The following STK3 variants were observed in gnomAD, a reference collection of about 807,000 sequenced individuals.
STK3 encodes serine/threonine kinase 3, also known as serine/threonine-protein kinase 3.
Under a neutral mutation model 58.0 loss-of-function variants are expected in STK3, and 41 were observed. That is an observed-to-expected ratio of 0.71 (90% CI 0.55 to 0.92). STK3 has a LOEUF of 0.92. Among genes scored for constraint, STK3 ranks in the 40% least tolerant of loss-of-function variants. The pLI is 0.00. For synonymous variants in STK3, 170 were observed against 191.0 expected (o/e 0.89, Z 0.91); for missense variants, 479 against 602.7 (o/e 0.79, Z 2.15).
At chr8:98,609,255 T>C (rs935114404) in intron 6 of STK3, among the ~76,000 whole-genome samples, 3 of 152,198 alleles carry the variant, frequency 2.0e-5, no homozygotes, top group African/African-American at 7.2e-5. Context: ...AAAATAATAT[T>C]TTAAATGTTA....
rs538191763 is a variant in STK3 at position 98,526,202 on chromosome 8, G to GA, written c.1317+539dup. ...AGAACCAGGGTAGAAGAAATAATGAGAAAATGTAACAAAATAGGTGATAAG... is the reference window on the plus strand; with the variant it reads ...AGAACCAGGGTAGAAGAAATAATGAGAAAAATGTAACAAAATAGGTGATAAG... On this transcript the variant is annotated intron_variant, in intron 10 of 10. Transcript: ENST00000419617. Among the ~76,000 whole-genome samples the GA allele has an allele frequency of 1.8e-4, 27 of 152,016 alleles. No individual in the cohort carries two copies. In the East Asian group the frequency reaches 4.6e-3, roughly 26 times the overall value.
intron 8 of STK3, among the ~76,000 whole-genome samples, chr8:98,553,925 T>C (rs956824493): frequency 1.3e-5 from 2 of 151,190 alleles, no homozygotes; most frequent in Admixed American, 1.3e-4. Context: ...AGATGGCACC[T>C]GGGAGACAGA....
rs1343132210 is a variant in STK3 at position 98,744,299 on chromosome 8, C to G, written c.351+4977G>C. 3.9e-5 allele frequency among the ~76,000 whole-genome samples: 6 copies of G among 152,130 alleles called. No individual in the cohort carries two copies. The East Asian group carries it at 5.8e-4, about 15-fold the overall frequency. ...ATGCACACGTATCTTTATTGCAGCA[C>G]TATTCACAGTAGCAAAGACTTGGAA... On this transcript the variant is annotated intron_variant, in intron 4 of 10. Coordinates refer to ENST00000419617, the MANE Select transcript of STK3 (RefSeq NM_006281.4).
chr8:98,623,922 A>T (rs1587066015), intron 6 of STK3, among the ~76,000 whole-genome samples: 1 of 152,256 alleles, frequency 6.6e-6, no homozygotes, highest in Non-Finnish European at 1.5e-5. Flanking sequence ...CTGTAAGAAA[A>T]TAAACTGTTG....
intron 8 of STK3, among the ~76,000 whole-genome samples, chr8:98,571,084 CT>C (rs1218099647): frequency 6.6e-6 from 1 of 152,174 alleles, no homozygotes; most frequent in African/African-American, 2.4e-5. Context: ...AATCCCAGCA[CT>C]TTGAGAGGCC....
intron 1 of STK3, among the ~76,000 whole-genome samples, chr8:98,446,586 A>G (rs1025884194): frequency 1.8e-4 from 28 of 152,200 alleles, no homozygotes; most frequent in Admixed American, 1.5e-3. Context: ...CAGAATGGCT[A>G]TTACTAAAAA....
chr8:98,375,274 A>AAG (rs1020171838), intron 2 of STK3, among the ~76,000 whole-genome samples: 1 of 143,006 alleles, frequency 7.0e-6, no homozygotes, highest in Non-Finnish European at 1.5e-5. Context: ...AAAAAAACAA[A>AAG]AAAAAACAAA....
chr8:98,820,821 C>CA (rs1028811973), intron 1 of STK3, among the ~76,000 whole-genome samples: 1 of 151,880 alleles, frequency 6.6e-6, no homozygotes, highest in African/African-American at 2.4e-5. Flanking sequence ...ACTAAAAATA[C>CA]AAAAAAGTTA....
intron 3 of STK3, among the ~76,000 whole-genome samples, chr8:98,850,099 C>G (rs1361188435): frequency 6.6e-6 from 1 of 152,054 alleles, no homozygotes; most frequent in Non-Finnish European, 1.5e-5. Context: ...AAGGTGAAGT[C>G]TATAATTCAC....
At chr8:98,850,999 A>T (rs1390374093) in intron 3 of STK3, among the ~76,000 whole-genome samples, 2 of 152,170 alleles carry the variant, frequency 1.3e-5, no homozygotes, top group African/African-American at 2.4e-5. Context: ...TCTTGTGATT[A>T]AGTCAGAAGC....
intron 1 of STK3, among the ~76,000 whole-genome samples, chr8:98,891,617 G>GTC (rs1838202495): frequency 7.2e-6 from 1 of 138,012 alleles, no homozygotes; most frequent in African/African-American, 2.7e-5. Context: ...CTGTGTGTGT[G>GTC]TGTGTGTGTG....
intron 6 of STK3, among the ~76,000 whole-genome samples, chr8:98,687,544 C>A (rs1021961693): frequency 4.6e-5 from 7 of 152,156 alleles, no homozygotes; most frequent in African/African-American, 1.7e-4. Context: ...TGGGGGACCC[C>A]TGTTCTAAAG....
chr8:98,739,295 G>A (rs962697793), intron 4 of STK3, among the ~76,000 whole-genome samples: 7 of 152,226 alleles, frequency 4.6e-5, no homozygotes, highest in African/African-American at 1.4e-4. Context: ...GCCTCCTCAA[G>A]TGGGTCCCTG....
chr8:98,848,762 T>A (rs1373640106), intron 3 of STK3, among the ~76,000 whole-genome samples: 1 of 152,168 alleles, frequency 6.6e-6, no homozygotes, highest in East Asian at 1.9e-4. Context: ...TGGTGGACAT[T>A]TGGTTGTTTC....
chr8:98,500,361 A>C (rs1009066343), intron 10 of STK3, among the ~76,000 whole-genome samples: 4 of 152,054 alleles, frequency 2.6e-5, no homozygotes, highest in Non-Finnish European at 5.9e-5. Context: ...GTGAAACCCC[A>C]TCTCTACTAT....
chr8:98,617,017 C>G (rs981963058), intron 6 of STK3, among the ~76,000 whole-genome samples: 1 of 152,024 alleles, frequency 6.6e-6, no homozygotes, highest in African/African-American at 2.4e-5. Context: ...ACGTTTTTTT[C>G]AGCACCACAC....
At chr8:98,739,374 C>T (rs1828967857) in intron 4 of STK3, among the ~76,000 whole-genome samples, 2 of 151,894 alleles carry the variant, frequency 1.3e-5, no homozygotes, top group South Asian at 4.1e-4. Context: ...CCTCACACGG[C>T]CGGGTACTCC....
At chr8:98,578,842 C>T (rs1195368456) in intron 8 of STK3, among the ~76,000 whole-genome samples, 2 of 152,016 alleles carry the variant, frequency 1.3e-5, no homozygotes, top group Admixed American at 6.6e-5. Context: ...AAATAATTAG[C>T]AAGGTATAGA....
chr8:98,451,662 C>A (rs952200414), downstream of STK3, among the ~76,000 whole-genome samples: 1 of 152,016 alleles, frequency 6.6e-6, no homozygotes. Flanking sequence ...CTCTTGGAGT[C>A]TTTCTGGGAC....
Sources: allele counts gnomAD v4.1 joint callset (sites outside exome capture counted in the v4.1 genomes callset), GRCh38; gene constraint gnomAD v4.1.1; transcripts MANE v1.5; gene names NCBI Gene and HGNC (gene_info 2026-07-23, HGNC 2026-07-21).